The following FRMD4A variants were observed in gnomAD, a reference collection of about 807,000 sequenced individuals.
FRMD4A encodes the protein FERM domain-containing protein 4A.
FRMD4A carries 29 observed loss-of-function variants against 129.1 expected under a neutral mutation model. The ratio of observed to expected loss-of-function variants is 0.22; its 90% CI spans 0.17 to 0.31. FRMD4A has a LOEUF of 0.31. FRMD4A is among the 10% of genes least tolerant of loss of function. FRMD4A has a pLI of 1.00. For missense variants in FRMD4A, 1,272 were observed against 1,375.8 expected (o/e 0.92, Z 1.19); for synonymous variants, 634 against 571.6 (o/e 1.11, Z -1.56).
At position 13,902,855 on chromosome 10, in the gene FRMD4A, A is replaced by AAAC. The variant is rs1554964064; in HGVS notation, c.46-43946_46-43944dup. Among the ~76,000 whole-genome samples, 457 of 146,078 alleles carry AAAC rather than the reference A, an allele frequency of 3.1e-3. 6 individuals carry two copies. The highest frequency in any genetic ancestry group is 7.4e-3 in the Middle Eastern group (2 of 272). ...ATGCAGTCTCAAAAAAAAAAAAAAAAAACAACAACAAACAACAGATTCTTG... is the reference window on the plus strand; with the variant it reads ...ATGCAGTCTCAAAAAAAAAAAAAAAAAACAACAACAACAAACAACAGATTCTTG... On this transcript the variant is annotated intron_variant, in intron 2 of 24. Coordinates refer to ENST00000357447, the MANE Select transcript of FRMD4A (RefSeq NM_018027.5).
intron 5 of FRMD4A, among the ~76,000 whole-genome samples, chr10:13,796,289 C>T (rs891521810): frequency 4.6e-5 from 7 of 152,152 alleles, no homozygotes; most frequent in African/African-American, 1.7e-4. Flanking sequence ...ATGCATAATA[C>T]ACACATCCTT....
intron 2 of FRMD4A, among the ~76,000 whole-genome samples, chr10:14,245,554 C>T (rs959436983): frequency 1.3e-5 from 2 of 152,084 alleles, no homozygotes; most frequent in Non-Finnish European, 2.9e-5. Flanking sequence ...TTCTAATCCC[C>T]GCTACCTCAG....
intron 2 of FRMD4A, among the ~76,000 whole-genome samples, chr10:13,867,686 TATATAATATAATATATAATAAATA>T (rs2094386438): frequency 8.4e-6 from 1 of 119,326 alleles, no homozygotes; most frequent in East Asian, 2.1e-4. Context: ...ATAATAAATA[TATATAATATAATATATAATAAATA>T]ACATATAATA....
At chr10:14,060,882 A>T (rs989797067) in intron 2 of FRMD4A, among the ~76,000 whole-genome samples, 1 of 152,248 alleles carries the variant, frequency 6.6e-6, no homozygotes, top group Non-Finnish European at 1.5e-5. Context: ...ATATAAAAAA[A>T]TTAAAATTCT....
chr10:14,230,657 G>A (rs1843608439), intron 2 of FRMD4A, among the ~76,000 whole-genome samples: 1 of 152,136 alleles, frequency 6.6e-6, no homozygotes, highest in Admixed American at 6.5e-5. Flanking sequence ...AGGTTCAGGA[G>A]ATACTTTTGC....
intron 2 of FRMD4A, among the ~76,000 whole-genome samples, chr10:14,059,332 C>T (rs1356993804): frequency 6.6e-6 from 1 of 152,122 alleles, no homozygotes; most frequent in Non-Finnish European, 1.5e-5. Flanking sequence ...TATTGAATCC[C>T]CAACCACCAG....
intron 2 of FRMD4A, among the ~76,000 whole-genome samples, chr10:14,266,149 C>A (rs975008229): frequency 3.6e-5 from 3 of 83,746 alleles, no homozygotes; most frequent in African/African-American, 4.8e-5. Context: ...CTGGTGAATT[C>A]TTTGTCCTGG....
intron 2 of FRMD4A, among the ~76,000 whole-genome samples, chr10:13,886,278 A>C (rs1420943427): frequency 1.3e-5 from 2 of 152,166 alleles, no homozygotes; most frequent in Middle Eastern, 3.2e-3. Context: ...AGAAAGGCAA[A>C]AACCCTGCAA....
chr10:14,129,496 T>C (rs1294070996), intron 2 of FRMD4A, among the ~76,000 whole-genome samples: 1 of 147,966 alleles, frequency 6.8e-6, no homozygotes, highest in Non-Finnish European at 1.5e-5. Flanking sequence ...AATACCAGGG[T>C]AGCACCCAGG....
intron 2 of FRMD4A, among the ~76,000 whole-genome samples, chr10:13,863,733 A>C (rs1295491663): frequency 2.0e-5 from 3 of 148,916 alleles, no homozygotes; most frequent in South Asian, 2.2e-4. Flanking sequence ...CACCTCACCC[A>C]AATATGACTT....
chr10:13,744,543 A>G (rs1185276250), intron 9 of FRMD4A: 1 of 152,160 alleles, frequency 6.6e-6, no homozygotes, highest in Non-Finnish European at 1.5e-5. Flanking sequence ...CATTTTGCAG[A>G]GGAGAAATTG....
chr10:13,821,428 T>G lies in FRMD4A; in HGVS notation c.112-10520A>C, dbSNP rs1281600005. Among the ~76,000 whole-genome samples the G allele has an allele frequency of 6.6e-6, 1 of 152,138 alleles. No individual in the cohort carries two copies. The highest frequency in any genetic ancestry group is 1.5e-5 in the Non-Finnish European group (1 of 67,996). ...ACCCGCCTGCCAGAGGTGGCATCTC[T>G]TTACCCAGAGGTCCCTGCCCAGCCT... On this transcript the variant is annotated intron_variant, in intron 3 of 24. Transcript: ENST00000357447. This position sits in a 1 kb window ranked among gnomAD's most constrained non-coding sequence, Gnocchi z 4.3.
At chr10:14,268,135 TA>T (rs971881615) in intron 2 of FRMD4A, among the ~76,000 whole-genome samples, 21 of 150,138 alleles carry the variant, frequency 1.4e-4, no homozygotes, top group Non-Finnish European at 2.4e-4. Context: ...TAATGAGAAC[TA>T]AAAAAATGAG....
At chr10:14,050,258 G>A (rs1834195796) in intron 2 of FRMD4A, among the ~76,000 whole-genome samples, 1 of 152,166 alleles carries the variant, frequency 6.6e-6, no homozygotes, top group Non-Finnish European at 1.5e-5. Context: ...CCTGTGCCAG[G>A]TGCTGCTGTC....
At chr10:13,896,169 G>C (rs549148438) in intron 2 of FRMD4A, among the ~76,000 whole-genome samples, 1 of 152,222 alleles carries the variant, frequency 6.6e-6, no homozygotes, top group African/African-American at 2.4e-5. Flanking sequence ...CCATTACTTG[G>C]TATATACCCA....
intron 2 of FRMD4A, among the ~76,000 whole-genome samples, chr10:13,902,850 A>C (rs1255053864): frequency 6.8e-6 from 1 of 146,316 alleles, no homozygotes; most frequent in Non-Finnish European, 1.5e-5. Flanking sequence ...AAAAAAAAAA[A>C]AAAAAAACAA....
chr10:14,289,203 T>A (rs555672830), intron 2 of FRMD4A, among the ~76,000 whole-genome samples: 4 of 152,324 alleles, frequency 2.6e-5, no homozygotes, highest in African/African-American at 9.6e-5. Flanking sequence ...TACCGTTTTG[T>A]ATAGTGGCTG....
intron 12 of FRMD4A, 124 bp from the exon 13 acceptor site, chr10:13,707,237 G>T (rs2087551216): frequency 1.3e-6 from 1 of 764,674 alleles, no homozygotes; most frequent in African/African-American, 1.7e-5. Context: ...CGTAGTCTGT[G>T]CCTCCTCCGC....
intron 2 of FRMD4A, among the ~76,000 whole-genome samples, chr10:14,137,609 C>T (rs1839606664): frequency 6.6e-6 from 1 of 152,102 alleles, no homozygotes; most frequent in Non-Finnish European, 1.5e-5. Flanking sequence ...ATTCATGCTA[C>T]GTAGCCCAGG....
Sources: allele counts gnomAD v4.1 joint callset (sites outside exome capture counted in the v4.1 genomes callset), GRCh38; gene constraint gnomAD v4.1.1; non-coding constraint Gnocchi (gnomAD v3.1); transcripts MANE v1.5; gene names NCBI Gene and HGNC (gene_info 2026-07-23, HGNC 2026-07-21).